ABCC4: variants seen among roughly 807,000 people sequenced by gnomAD.
ABCC4 encodes the protein ATP-binding cassette sub-family C member 4.
ABCC4 carries 102 observed loss-of-function variants against 168.5 expected under a neutral mutation model. That is an observed-to-expected ratio of 0.61 (90% CI 0.52 to 0.71). The LOEUF is 0.71. Ranked by LOEUF, ABCC4 falls within the 30% of genes least tolerant of loss-of-function variation. The probability of loss-of-function intolerance (pLI) is 0.00; values close to 1 mark genes in which losing one functional copy is unlikely to be tolerated. For missense variants in ABCC4, 1,402 were observed against 1,605.8 expected, an observed-to-expected ratio of 0.87 and a Z score of 2.17; for synonymous variants, 617 against 590.7, an observed-to-expected ratio of 1.04 and a Z score of -0.65.
intron 3 of ABCC4, 90 bp from the exon 4 acceptor site, chr13:95,234,924 T>C: frequency 1.1e-6 from 1 of 951,660 alleles, no homozygotes; most frequent in Non-Finnish European, 1.5e-6. Context: ...TATTGCTTGC[T>C]CTGTCACCCA....
intron 19 of ABCC4, among the ~76,000 whole-genome samples, chr13:95,133,886 C>A (rs2036057671): frequency 6.6e-6 from 1 of 152,162 alleles, no homozygotes. Context: ...TAGCAATTGA[C>A]CTTTCTGAAA....
At chr13:95,208,426 A>C (rs929657149) in intron 6 of ABCC4, among the ~76,000 whole-genome samples, 3 of 151,878 alleles carry the variant, frequency 2.0e-5, no homozygotes, top group African/African-American at 7.3e-5. Context: ...AAAGAGGGGA[A>C]GGTCCAAGTA....
chr13:95,258,454 A>G (rs1442325029), intron 1 of ABCC4, among the ~76,000 whole-genome samples: 1 of 152,052 alleles, frequency 6.6e-6, no homozygotes, highest in Non-Finnish European at 1.5e-5. Context: ...AGAAAGTCCT[A>G]CCCTTGTGTA....
intron 1 of ABCC4, among the ~76,000 whole-genome samples, chr13:95,297,891 G>A (rs2041576740): frequency 6.6e-6 from 1 of 152,186 alleles, no homozygotes; most frequent in African/African-American, 2.4e-5. Flanking sequence ...GGTGACTGCT[G>A]TGTCATTTTA....
At chr13:95,088,811 C>T (rs987595488) in intron 20 of ABCC4, among the ~76,000 whole-genome samples, 2 of 150,406 alleles carry the variant, frequency 1.3e-5, no homozygotes, top group Admixed American at 1.3e-4. Context: ...AAATGAGTAG[C>T]ATATTAAATT....
chr13:95,041,142 T>A (rs1267847918), intron 29 of ABCC4, among the ~76,000 whole-genome samples: 1 of 152,236 alleles, frequency 6.6e-6, no homozygotes, highest in Non-Finnish European at 1.5e-5. Context: ...ATTTCTAATT[T>A]GTCTGTCTTG....
intron 9 of ABCC4, among the ~76,000 whole-genome samples, chr13:95,190,748 T>C (rs1460984502): frequency 6.6e-6 from 1 of 152,222 alleles, no homozygotes; most frequent in African/African-American, 2.4e-5. Flanking sequence ...GGAGGAATCC[T>C]AAAGGGGTTT....
chr13:95,097,170 C>G (rs1282302136), intron 20 of ABCC4, among the ~76,000 whole-genome samples: 2 of 151,518 alleles, frequency 1.3e-5, no homozygotes, highest in African/African-American at 4.8e-5. Context: ...CTAGAGCAAC[C>G]ACTAAAAACA....
intron 30 of ABCC4, among the ~76,000 whole-genome samples, chr13:95,033,724 G>A (rs1322460019): frequency 2.7e-5 from 4 of 149,444 alleles, no homozygotes; most frequent in Non-Finnish European, 4.4e-5. Flanking sequence ...GTGCAGTGGC[G>A]TGATCTTGGC....
intron 6 of ABCC4, among the ~76,000 whole-genome samples, chr13:95,208,928 T>C (rs1481695396): frequency 1.3e-5 from 2 of 152,168 alleles, no homozygotes; most frequent in African/African-American, 2.4e-5. Context: ...CTAACAACCA[T>C]ATTCCTAACA....
At chr13:95,034,447 C>A (rs2032031123) in intron 30 of ABCC4, among the ~76,000 whole-genome samples, 158 bp downstream of exon 30, 1 of 152,220 alleles carries the variant, frequency 6.6e-6, no homozygotes. Context: ...CTTACTTCAA[C>A]CCGGGACGTG....
intron 1 of ABCC4, among the ~76,000 whole-genome samples, chr13:95,253,025 A>G (rs2040305283): frequency 6.6e-6 from 1 of 152,192 alleles, no homozygotes. Context: ...TGGTATCTTT[A>G]AATCTGAATG....
rs1169633176 is a variant in ABCC4, at chr13:95,163,225, C to A, written c.2214-9G>T. On this transcript the variant is annotated splice_polypyrimidine_tract_variant and intron_variant, in intron 17 of 30. Coordinates refer to ENST00000645237, the MANE Select transcript of ABCC4 (RefSeq NM_005845.5). The stretch of plus-strand genomic sequence containing the variant: ...TACTTTGTTTGTTTGCCCTATGGAA[C>A]ATGGGGAGAAAAAAATATTAAGCTA... 1 of 1,552,382 alleles carries A rather than the reference C, an allele frequency of 6.4e-7. No homozygotes were observed. The highest frequency in any genetic ancestry group is 1.9e-5 in the Admixed American group (1 of 53,002).
chr13:95,178,259 G>C (rs2037775319), intron 11 of ABCC4, among the ~76,000 whole-genome samples, 168 bp from the exon 12 acceptor site: 3 of 152,340 alleles, frequency 2.0e-5, no homozygotes, highest in Middle Eastern at 3.4e-3. Flanking sequence ...TAAATTGTAA[G>C]TTTGAACCTA....
intron 29 of ABCC4, among the ~76,000 whole-genome samples, chr13:95,039,937 G>A (rs1204442792): frequency 6.6e-6 from 1 of 152,202 alleles, no homozygotes; most frequent in Non-Finnish European, 1.5e-5. Flanking sequence ...AACAGGCAGA[G>A]TGAGGGTGGG....
At chr13:95,174,705 ATTG>A (rs1277072112) in intron 13 of ABCC4, among the ~76,000 whole-genome samples, 2 of 152,174 alleles carry the variant, frequency 1.3e-5, no homozygotes, top group Non-Finnish European at 1.5e-5. Flanking sequence ...CCCACCGGGA[ATTG>A]TTGTTTGAGT....
intron 13 of ABCC4, among the ~76,000 whole-genome samples, chr13:95,172,424 A>C (rs2037508967): frequency 1.3e-5 from 2 of 152,122 alleles, no homozygotes; most frequent in Non-Finnish European, 2.9e-5. Context: ...TACAAAAATT[A>C]GCTGGATGTG....
intron 29 of ABCC4, among the ~76,000 whole-genome samples, chr13:95,042,335 T>C (rs761176718): frequency 4.6e-5 from 7 of 152,324 alleles, no homozygotes; most frequent in Non-Finnish European, 8.8e-5. Flanking sequence ...AATCTATCCA[T>C]TGCACCATCT....
chr13:95,289,525 C>T (rs539059811), intron 1 of ABCC4, among the ~76,000 whole-genome samples: 2 of 152,214 alleles, frequency 1.3e-5, no homozygotes, highest in South Asian at 4.2e-4. Context: ...CTATAAAAAT[C>T]GAAGAACCCG....
Sources: allele counts gnomAD v4.1 joint callset (sites outside exome capture counted in the v4.1 genomes callset), GRCh38; gene constraint gnomAD v4.1.1; transcripts MANE v1.5; gene names NCBI Gene and HGNC (gene_info 2026-07-23, HGNC 2026-07-21).